ASB15: variants seen among roughly 807,000 people sequenced by gnomAD.
ASB15 encodes the protein ankyrin repeat and SOCS box containing 15, also known as ankyrin repeat and SOCS box protein 15.
ASB15 carries 54 observed loss-of-function variants against 58.0 expected under a neutral mutation model. The observed-to-expected ratio is 0.93, with a 90% confidence interval of 0.75 to 1.17. The LOEUF is 1.17. ASB15 is among the 50% of genes most tolerant of loss of function. ASB15 has a pLI of 0.00. For missense variants in ASB15, 680 were observed against 707.4 expected, an observed-to-expected ratio of 0.96 and a Z score of 0.44; for synonymous variants, 249 against 262.4, an observed-to-expected ratio of 0.95 and a Z score of 0.50.
chr7:123,591,911 T>C (rs556019451), intron 1 of ASB15, among the ~76,000 whole-genome samples: 1 of 152,364 alleles, frequency 6.6e-6, no homozygotes, highest in East Asian at 1.9e-4. Flanking sequence ...AGAATTTGGC[T>C]GTGAATCCTT....
chr7:123,572,382 G>T (rs1004118046), intron 1 of ASB15, among the ~76,000 whole-genome samples: 2 of 151,192 alleles, frequency 1.3e-5, no homozygotes, highest in Non-Finnish European at 3.0e-5. Context: ...CTCATGATCC[G>T]CCCGCCTCAG....
chr7:123,625,489 T>A (rs1801713315), intron 8 of ASB15, among the ~76,000 whole-genome samples: 1 of 152,180 alleles, frequency 6.6e-6, no homozygotes, highest in South Asian at 2.1e-4. Flanking sequence ...ACTGCTCCCA[T>A]CTTGTATCCT....
At chr7:123,579,117 G>A (rs1437858701) in intron 1 of ASB15, among the ~76,000 whole-genome samples, 1 of 151,708 alleles carries the variant, frequency 6.6e-6, no homozygotes, top group Non-Finnish European at 1.5e-5. Flanking sequence ...TTATGTCCAC[G>A]TATATCATTG....
intron 1 of ASB15, among the ~76,000 whole-genome samples, chr7:123,571,802 T>C (rs1798914342): frequency 6.6e-6 from 1 of 152,204 alleles, no homozygotes; most frequent in Non-Finnish European, 1.5e-5. Context: ...TTTGCATTTG[T>C]TTCCCAAGCT....
chr7:123,591,683 T>C (rs13226328), intron 1 of ASB15, among the ~76,000 whole-genome samples: 44,769 of 151,990 alleles, frequency 0.29, 6,736 homozygotes, highest in East Asian at 0.4. Flanking sequence ...TTTTGACGTG[T>C]TGCTGGATTC....
At chr7:123,604,615 C>G (rs1243055777) in intron 2 of ASB15, among the ~76,000 whole-genome samples, 3 of 151,758 alleles carry the variant, frequency 2.0e-5, no homozygotes, top group Non-Finnish European at 1.5e-5. Context: ...AGAAGAAGCA[C>G]CGTGTGAGGA....
chr7:123,595,363 G>A (rs1799664236), intron 1 of ASB15, among the ~76,000 whole-genome samples: 1 of 152,120 alleles, frequency 6.6e-6, no homozygotes. Flanking sequence ...ATGACAAAAA[G>A]TAAAATTAAA....
chr7:123,624,801 T>C lies in ASB15; in HGVS notation c.684T>C (p.His228=), dbSNP rs748147408. 1.9e-6 allele frequency: 3 copies of C among 1,613,784 alleles called. No individual in the cohort carries two copies. Among genetic ancestry groups the C allele is most frequent in the Non-Finnish European group, 2.5e-6 (3 of 1,179,904 alleles). ...ATGGTCACTGTGACGTGTTAGAACA[T>C]CTAATCCACAAAGGTATGTGAAAAG... ...AEYGHCDVLE[H]LIHKGGDVLA... The change falls in exon 8 of 12, where the codon CAT becomes CAC. Residue 228 remains histidine, a synonymous_variant. Transcript: ENST00000451215.
chr7:123,631,853 C>T (rs1278859027), intron 11 of ASB15, among the ~76,000 whole-genome samples: 2 of 151,992 alleles, frequency 1.3e-5, no homozygotes, highest in Admixed American at 6.6e-5. Flanking sequence ...CCGAGGCGAA[C>T]GGATCACGAG....
rs1801981283 is a variant in ASB15, at chr7:123,629,077, T to C, written c.1083T>C (p.Asn361=). ...KTALYFGVSN[N]DVHCTEVLLA... is the part of the protein sequence containing the mutation. ...CGCTGTATTTTGGCGTTTCTAATAATGACGTTCATTGCACAGAAGTCCTTC... is the reference window on the plus strand; with the variant it reads ...CGCTGTATTTTGGCGTTTCTAATAACGACGTTCATTGCACAGAAGTCCTTC... The change falls in exon 10 of 12, where the codon AAT becomes AAC. Residue 361 remains asparagine (N), a synonymous_variant. Transcript: ENST00000451215. 6.2e-7 allele frequency: 1 copy of C among 1,613,528 alleles called. No homozygotes were observed. The highest frequency in any genetic ancestry group is 8.5e-7 in the Non-Finnish European group (1 of 1,179,638).
intron 1 of ASB15, among the ~76,000 whole-genome samples, chr7:123,569,249 G>A (rs1798839405): frequency 6.6e-6 from 1 of 151,996 alleles, no homozygotes; most frequent in East Asian, 1.9e-4. Flanking sequence ...TAACATTGAG[G>A]GAATAAAAAG....
At chr7:123,600,984 T>A (rs984283705), upstream of ASB15, among the ~76,000 whole-genome samples, 1 of 152,056 alleles carries the variant, frequency 6.6e-6, no homozygotes, top group African/African-American at 2.4e-5. Context: ...TGAAAATGAA[T>A]ATAAAATATG....
chr7:123,578,468 A>C (rs10231717), intron 1 of ASB15, among the ~76,000 whole-genome samples: 60,948 of 151,608 alleles, frequency 0.4, 12,436 homozygotes, highest in African/African-American at 0.45. Flanking sequence ...TTTTTCTGGA[A>C]CTTTGTTTCC....
At chr7:123,605,216 T>C (rs1282384658) in intron 2 of ASB15, among the ~76,000 whole-genome samples, 1 of 152,188 alleles carries the variant, frequency 6.6e-6, no homozygotes, top group Non-Finnish European at 1.5e-5. Context: ...TATGTGTATA[T>C]GCATAAGAAT....
chr7:123,595,407 A>G (rs1481829191), intron 1 of ASB15, among the ~76,000 whole-genome samples: 3 of 152,160 alleles, frequency 2.0e-5, no homozygotes, highest in East Asian at 1.9e-4. Context: ...TTTGTCCTCT[A>G]TACCTTTCTG....
chr7:123,607,066 A>C (rs1800180469), intron 2 of ASB15, among the ~76,000 whole-genome samples: 1 of 152,220 alleles, frequency 6.6e-6, no homozygotes, highest in Non-Finnish European at 1.5e-5. Context: ...AAAAAAGATA[A>C]ACTATGTGCC....
At chr7:123,587,467 T>A (rs952502237) in intron 1 of ASB15, among the ~76,000 whole-genome samples, 5 of 151,668 alleles carry the variant, frequency 3.3e-5, no homozygotes, top group African/African-American at 1.2e-4. Flanking sequence ...GTTTTTTTTT[T>A]ATACATGGTA....
intron 1 of ASB15, among the ~76,000 whole-genome samples, chr7:123,584,082 G>A (rs1023704063): frequency 4.6e-5 from 7 of 151,760 alleles, no homozygotes; most frequent in African/African-American, 1.5e-4. Context: ...CTAGCCACAC[G>A]GTTTTAAGTA....
chr7:123,639,443 C>T lies in ASB15; in HGVS notation c.*2462C>T, dbSNP rs1270832609. On this transcript the variant is annotated 3_prime_UTR_variant, in exon 12 of 12. Coordinates refer to ENST00000451215, the MANE Select transcript of ASB15 (RefSeq NM_001290258.2). ...AAATCATATTGAGGTTATAAGTCTG[C>T]TTTATGATACTTCATATATTAAACT... The T allele has an allele frequency of 2.0e-5, 3 of 152,100 alleles. No homozygotes were observed. The highest frequency in any genetic ancestry group is 4.4e-5 in the Non-Finnish European group (3 of 68,028). 9.4% of individuals were successfully genotyped at this position (152,100 alleles called of 1,614,324 possible).
Sources: allele counts gnomAD v4.1 joint callset (sites outside exome capture counted in the v4.1 genomes callset), GRCh38; gene constraint gnomAD v4.1.1; transcripts MANE v1.5; gene names NCBI Gene and HGNC (gene_info 2026-07-23, HGNC 2026-07-21).